The following FHOD3 variants were observed in gnomAD, a reference collection of about 807,000 sequenced individuals.
FHOD3 encodes the protein FH1/FH2 domain-containing protein 3.
Under a neutral mutation model 173.0 loss-of-function variants are expected in FHOD3, and 90 were observed. The observed-to-expected ratio is 0.52, with a 90% CI of 0.44 to 0.62. The LOEUF (loss-of-function observed/expected upper bound fraction) is 0.62. FHOD3 is among the 20% of genes least tolerant of loss of function. The probability of loss-of-function intolerance (pLI) is 0.00; values close to 1 mark genes in which losing one functional copy is unlikely to be tolerated. For missense variants in FHOD3, 1,945 were observed against 2,034.7 expected (o/e 0.96, Z 0.85); for synonymous variants, 828 against 823.0 (o/e 1.01, Z -0.10).
intron 1 of FHOD3, among the ~76,000 whole-genome samples, chr18:36,326,722 G>A (rs1366599297): frequency 6.6e-6 from 1 of 152,226 alleles, no homozygotes; most frequent in African/African-American, 2.4e-5. Flanking sequence ...CTGCACTTCA[G>A]CCTGGGCAAC....
At chr18:36,620,030 G>A (rs1321475885) in intron 9 of FHOD3, among the ~76,000 whole-genome samples, 1 of 152,184 alleles carries the variant, frequency 6.6e-6, no homozygotes, top group African/African-American at 2.4e-5. Context: ...ACTCCCACTG[G>A]CTGAAAGCAA....
intron 5 of FHOD3, among the ~76,000 whole-genome samples, chr18:36,571,301 T>C (rs1323829256): frequency 2.0e-5 from 3 of 152,190 alleles, no homozygotes; most frequent in Non-Finnish European, 4.4e-5. Context: ...ACTTATAATT[T>C]TGGCAAAAAA....
chr18:36,585,915 GT>G (rs1232521301), intron 6 of FHOD3, among the ~76,000 whole-genome samples: 1 of 152,188 alleles, frequency 6.6e-6, no homozygotes. Flanking sequence ...TTCTAGGAGA[GT>G]TGGATGAGCA....
chr18:36,451,411 C>A (rs894803527), intron 3 of FHOD3, among the ~76,000 whole-genome samples: 1 of 152,250 alleles, frequency 6.6e-6, no homozygotes, highest in African/African-American at 2.4e-5. Flanking sequence ...ATTTCAAAAG[C>A]ACTCACACTG....
chr18:36,642,126 A>C (rs1013803478), intron 10 of FHOD3, among the ~76,000 whole-genome samples: 1 of 152,106 alleles, frequency 6.6e-6, no homozygotes, highest in Non-Finnish European at 1.5e-5. Flanking sequence ...AACAGATACT[A>C]GGACCTACCT....
At chr18:36,318,517 GCTCT>G (rs1434184298) in intron 1 of FHOD3, among the ~76,000 whole-genome samples, 2 of 152,210 alleles carry the variant, frequency 1.3e-5, no homozygotes, top group East Asian at 3.9e-4. Context: ...ACATGATTTG[GCTCT>G]CTGTTTGTCT....
chr18:36,421,857 T>A (rs1452136495), intron 3 of FHOD3, among the ~76,000 whole-genome samples: 1 of 152,102 alleles, frequency 6.6e-6, no homozygotes, highest in Non-Finnish European at 1.5e-5. Flanking sequence ...AGTGGGTACC[T>A]GAAGAAAGAG....
chr18:36,703,886 C>G (rs530879386), intron 17 of FHOD3, among the ~76,000 whole-genome samples: 35 of 152,202 alleles, frequency 2.3e-4, no homozygotes, highest in African/African-American at 6.5e-4. Context: ...GTTTCTCCCC[C>G]CTTCCATGGG....
intron 3 of FHOD3, among the ~76,000 whole-genome samples, chr18:36,497,715 CAT>C (rs2054819278): frequency 6.6e-6 from 1 of 152,122 alleles, no homozygotes; most frequent in Admixed American, 6.5e-5. Flanking sequence ...AGCAGGAACT[CAT>C]AAAGATGAAA....
chr18:36,651,472 G>A (rs1240817561), intron 11 of FHOD3, among the ~76,000 whole-genome samples: 1 of 151,970 alleles, frequency 6.6e-6, no homozygotes, highest in African/African-American at 2.4e-5. Flanking sequence ...TATATATAAT[G>A]CCAGGCATGG....
intron 3 of FHOD3, among the ~76,000 whole-genome samples, chr18:36,385,580 A>G (rs915310816): frequency 6.6e-6 from 1 of 152,108 alleles, no homozygotes; most frequent in Non-Finnish European, 1.5e-5. Context: ...TATTTTTCGT[A>G]GAGACAGGGT....
At chr18:36,431,924 G>A (rs2050573323) in intron 3 of FHOD3, among the ~76,000 whole-genome samples, 1 of 152,204 alleles carries the variant, frequency 6.6e-6, no homozygotes, top group South Asian at 2.1e-4. Context: ...CACATCACAT[G>A]TGGTACCTGT....
Position 36,355,612 on chromosome 18 carries a change from G to T in FHOD3, c.239G>T (p.Arg80Leu), listed in dbSNP as rs186410723. 6.2e-7 allele frequency: 1 copy of T among 1,614,118 alleles called. No homozygotes were observed. The highest frequency in any genetic ancestry group is 2.2e-5 in the East Asian group (1 of 44,882). The change falls in exon 2 of 29, where the codon CGG (arginine) becomes CTG (leucine). Residue 80 changes from arginine to leucine, a missense_variant. Physicochemically the swap from Arg to Leu is moderately radical, Grantham distance 102. Transcript: ENST00000590592. ...TTGGAGGCCACCCTGGCAGAGCAGCGGGATGAGTTGGAAGGCTTCCAGGAT... is the reference window on the plus strand; with the variant it reads ...TTGGAGGCCACCCTGGCAGAGCAGCTGGATGAGTTGGAAGGCTTCCAGGAT... ...LDLEATLAEQRDELEGFQDDA... is the reference protein window; with the variant it reads ...LDLEATLAEQLDELEGFQDDA...
intron 3 of FHOD3, among the ~76,000 whole-genome samples, chr18:36,476,564 C>A (rs941449777): frequency 6.6e-6 from 1 of 152,088 alleles, no homozygotes; most frequent in Non-Finnish European, 1.5e-5. Flanking sequence ...AGGAAAGGGC[C>A]GTAGGATACT....
chr18:36,355,141 A>G (rs1306714551), intron 1 of FHOD3, among the ~76,000 whole-genome samples: 4 of 152,208 alleles, frequency 2.6e-5, no homozygotes, highest in South Asian at 2.1e-4. Context: ...AGGAAACAGC[A>G]TATTTTCCCC....
At chr18:36,443,745 T>C (rs2051289603) in intron 3 of FHOD3, among the ~76,000 whole-genome samples, 1 of 152,160 alleles carries the variant, frequency 6.6e-6, no homozygotes, top group African/African-American at 2.4e-5. Flanking sequence ...TATACAAATA[T>C]ATGCATATTT....
chr18:36,514,325 T>C (rs1345572398), intron 5 of FHOD3, among the ~76,000 whole-genome samples: 3 of 152,134 alleles, frequency 2.0e-5, no homozygotes, highest in African/African-American at 7.2e-5. Flanking sequence ...CTTAATAATA[T>C]AAACATTTAT....
At chr18:36,568,852 G>A (rs1305343240) in intron 5 of FHOD3, among the ~76,000 whole-genome samples, 1 of 152,080 alleles carries the variant, frequency 6.6e-6, no homozygotes. Flanking sequence ...ATCCCAACTT[G>A]CATGGGAAAA....
intron 19 of FHOD3, among the ~76,000 whole-genome samples, chr18:36,729,663 C>A (rs1212481326): frequency 6.6e-6 from 1 of 152,188 alleles, no homozygotes; most frequent in Admixed American, 6.5e-5. Context: ...TATAATGACA[C>A]CAGTCCCGTC....
Sources: gnomAD v4.1 joint callset for allele counts (sites outside exome capture counted in the v4.1 genomes callset) on GRCh38, gnomAD v4.1.1 for gene constraint, MANE v1.5 for transcripts, NCBI Gene and HGNC (gene_info 2026-07-23, HGNC 2026-07-21) for gene names.